MYH7: variants seen among roughly 807,000 people sequenced by gnomAD.
MYH7 encodes the protein myosin-7.
Under a neutral mutation model 225.4 loss-of-function variants are expected in MYH7, and 129 were observed. The ratio of observed to expected loss-of-function variants is 0.57; its 90% CI spans 0.50 to 0.66. The LOEUF (loss-of-function observed/expected upper bound fraction) is 0.66. MYH7 is among the 30% of genes least tolerant of loss of function. The pLI is 0.00. For synonymous variants in MYH7, 971 were observed against 1,007.6 expected, an observed-to-expected ratio of 0.96 and a Z score of 0.69; for missense variants, 1,649 against 2,517.0, an observed-to-expected ratio of 0.66 and a Z score of 7.38.
At position 23,426,880 on chromosome 14, in the gene MYH7, C is replaced by A; in HGVS notation, c.1957-16G>T. Reference sequence around the variant, plus strand: ...TCAGATTTTCCTGTGGCCAAAAATGCAATAGAGAAAAGTAAAGAAAATGCC... The same window carrying A: ...TCAGATTTTCCTGTGGCCAAAAATGAAATAGAGAAAAGTAAAGAAAATGCC... On this transcript the variant is annotated splice_polypyrimidine_tract_variant and intron_variant, in intron 17 of 39. Coordinates refer to ENST00000355349, the MANE Select transcript of MYH7 (RefSeq NM_000257.4). 1 of 1,608,090 alleles carries A rather than the reference C, an allele frequency of 6.2e-7. No individual in the cohort carries two copies.
rs200550717 is a variant in MYH7 at position 23,412,749 on chromosome 14, A to G, written c.*105T>C. On this transcript the variant is annotated 3_prime_UTR_variant, in exon 40 of 40. Transcript: ENST00000355349. ...GTCTGGAGTCAGGATCTCGGCTTCA[A>G]GGAAAATTGCTTTATTCTGCTTCCT... is the stretch of plus-strand genomic sequence containing the variant. 1.4e-4 allele frequency: 200 copies of G among 1,397,740 alleles called. 1 individual carries two copies. In the East Asian group the frequency reaches 3.5e-3, roughly 24 times the overall value. The allele number at this position is 1,397,740 out of a possible 1,614,324, so 86.6% of individuals were successfully genotyped here.
At position 23,424,146 on chromosome 14, in the gene MYH7, G is replaced by T. The variant is rs397516162; in HGVS notation, c.2683C>A (p.Gln895Lys). The change falls in exon 23 of 40, where the codon CAA (glutamine) becomes AAA (lysine). Residue 895 changes from glutamine to lysine, a missense_variant. Coordinates refer to ENST00000355349, the MANE Select transcript of MYH7 (RefSeq NM_000257.4). Reference sequence around the variant, plus strand: ...TCCTCAGCATCTGCCAGGTTGTCTTGTTCCTGAAGGTGAGGAACAGAGGGG... The same window carrying T: ...TCCTCAGCATCTGCCAGGTTGTCTTTTTCCTGAAGGTGAGGAACAGAGGGG... ...NDLQLQVQAE[Q>K]DNLADAEERC... is the part of the protein sequence containing the mutation. 6.2e-7 allele frequency: 1 copy of T among 1,614,136 alleles called. No homozygotes were observed. Among genetic ancestry groups the T allele is most frequent in the Non-Finnish European group, 8.5e-7 (1 of 1,180,026 alleles).
intron 1 of MYH7, among the ~76,000 whole-genome samples, chr14:23,435,256 A>T (rs963185874): frequency 6.6e-6 from 1 of 151,816 alleles, no homozygotes; most frequent in Non-Finnish European, 1.5e-5. Context: ...CTGCAAAGGA[A>T]CCTCCTCGTT....
rs1555336334 is a variant in MYH7, at chr14:23,415,820, G to A, written c.4966C>T (p.Gln1656Ter). 3 of 1,614,228 alleles carry A rather than the reference G, an allele frequency of 1.9e-6. No homozygotes were observed. The highest frequency in any genetic ancestry group is 2.5e-6 in the Non-Finnish European group (3 of 1,180,044). Residue 1656 changes from glutamine to a stop codon, truncating the protein, a stop_gained, in exon 35 of 40, where the codon CAG becomes TAG. Transcript: ENST00000355349. LOFTEE classifies it high-confidence loss of function. The surrounding 1 kb of genome is among the most constrained non-coding windows in gnomAD (Gnocchi z 6.3). Reference sequence around the variant, plus strand: ...TTGGCACGGACTGCATCGTCCAGCTGAATCTGGGTGTCCTGAGGATCAGGA... The same window carrying A: ...TTGGCACGGACTGCATCGTCCAGCTAAATCTGGGTGTCCTGAGGATCAGGA... Reference protein sequence around the residue: ...LQSLLKDTQIQLDDAVRANDD... With the variant: ...LQSLLKDTQI
chr14:23,426,947 A>C, intron 17 of MYH7, 83 bp from the exon 18 acceptor site: 1 of 1,262,116 alleles, frequency 7.9e-7, no homozygotes, highest in Non-Finnish European at 1.1e-6. Context: ...AAGGAAGGAA[A>C]AGAGAGATGG....
chr14:23,419,086 C>G, intron 29 of MYH7, 91 bp downstream of exon 29: 1 of 1,166,974 alleles, frequency 8.6e-7, no homozygotes, highest in South Asian at 1.2e-5. Flanking sequence ...TGGTCCACAG[C>G]CAGCCTTATT....
At position 23,413,776 on chromosome 14, in the gene MYH7, G is replaced by A. The variant is rs755706526; in HGVS notation, c.5773C>T (p.Arg1925Cys). The change falls in exon 39 of 40, where the codon CGT (arginine) becomes TGT (cysteine). Residue 1925 changes from arginine to cysteine, a missense_variant. Transcript: ENST00000355349. The part of the protein sequence containing the change: ...SQVNKLRAKS[R>C]DIGTKGLNEE ...GGACCCACCTTCGTGCCAATGTCAC[G>A]GCTCTTGGCCCGCAGCTTGTTGACC... 2.5e-6 allele frequency: 4 copies of A among 1,614,186 alleles called. No individual in the cohort carries two copies. Among genetic ancestry groups the A allele is most frequent in the Non-Finnish European group, 2.5e-6 (3 of 1,180,044 alleles).
Position 23,422,254 on chromosome 14 carries a change from G to T in MYH7, c.3171C>A (p.Gly1057=). Residue 1057 remains glycine (G), a synonymous_variant, in exon 25 of 40, where the codon GGC becomes GGA. Transcript: ENST00000355349. The part of the protein sequence containing the change: ...DLERAKRKLE[G]DLKLTQESIM... Reference sequence around the variant, plus strand: ...TGCTCTCCTGGGTCAGCTTCAGGTCGCCCTCCAGCTTCCGCTTCGCTCGCT... The same window carrying T: ...TGCTCTCCTGGGTCAGCTTCAGGTCTCCCTCCAGCTTCCGCTTCGCTCGCT... The T allele has an allele frequency of 1.9e-6, 3 of 1,613,974 alleles. No individual in the cohort carries two copies. Among genetic ancestry groups the T allele is most frequent in the Non-Finnish European group, 1.7e-6 (2 of 1,179,990 alleles).
intron 15 of MYH7, among the ~76,000 whole-genome samples, chr14:23,428,276 G>C (rs1250493379): frequency 6.6e-6 from 1 of 152,152 alleles, no homozygotes; most frequent in Non-Finnish European, 1.5e-5. Flanking sequence ...TCATGCAGGT[G>C]CCCATCCTCC....
At chr14:23,431,959 G>T in intron 6 of MYH7, 90 bp from the exon 7 acceptor site, 1 of 1,354,878 alleles carries the variant, frequency 7.4e-7, no homozygotes, top group Non-Finnish European at 1.1e-6. Flanking sequence ...GCCTACCCGA[G>T]AGTAGGAGCC....
In MYH7 at chr14:23,415,878, C is replaced by T. The variant is rs368884763; in HGVS notation, c.4954-46G>A. The T allele has an allele frequency of 1.9e-6, 3 of 1,613,762 alleles. No homozygotes were observed. The South Asian group carries it at 3.3e-5, about 18-fold the overall frequency. On this transcript the variant is annotated intron_variant, in intron 34 of 39. Coordinates refer to ENST00000355349, the MANE Select transcript of MYH7 (RefSeq NM_000257.4). This position sits in a 1 kb window ranked among gnomAD's most constrained non-coding sequence, Gnocchi z 6.3. Reference sequence around the variant, plus strand: ...CATGAGCAGGGAGCCAGCCTCGGTTCCCTTCACTAAAGGCACCTGTCAGAG... The same window carrying T: ...CATGAGCAGGGAGCCAGCCTCGGTTTCCTTCACTAAAGGCACCTGTCAGAG...
rs147697314 is a variant in MYH7 at position 23,420,550 on chromosome 14, G to T, written c.3337-316C>A. Among the ~76,000 whole-genome samples, 640 of 152,316 alleles carry T rather than the reference G, an allele frequency of 4.2e-3. 7 individuals carry two copies. Among genetic ancestry groups the T allele is most frequent in the African/African-American group, 0.014 (593 of 41,584 alleles). On this transcript the variant is annotated intron_variant, in intron 26 of 39. Transcript: ENST00000355349. ...AACAAAAGTTGAAAATGAGAGAGCC[G>T]TATTTGTCTGACCAGACAACTAAAG...
chr14:23,423,842 C>A, intron 23 of MYH7, 65 bp downstream of exon 23: 2 of 1,613,596 alleles, frequency 1.2e-6, no homozygotes, highest in South Asian at 2.2e-5. Flanking sequence ...TAGCCTGGGT[C>A]AAGGTCAGTA....
chr14:23,421,665 A>G, intron 25 of MYH7: 1 of 796,282 alleles, frequency 1.3e-6, no homozygotes, highest in South Asian at 5.7e-5. Flanking sequence ...CTGCAAGCTC[A>G]CTGTTTACCA....
chr14:23,434,166 T>C, intron 2 of MYH7, 28 bp downstream of exon 2: 1 of 1,072,748 alleles, frequency 9.3e-7, no homozygotes. Context: ...TACTAGATTT[T>C]CAACACTCTA....
intron 5 of MYH7, 37 bp downstream of exon 5, chr14:23,432,602 C>T: frequency 5.6e-6 from 9 of 1,614,166 alleles, no homozygotes; most frequent in Non-Finnish European, 7.6e-6. Context: ...CGGCCTATCC[C>T]AGTTCCCTTC....
Position 23,417,534 on chromosome 14 carries a change from G to A in MYH7, c.4322C>T (p.Ala1441Val). The A allele has an allele frequency of 6.2e-7, 1 of 1,612,326 alleles. No individual in the cohort carries two copies. The highest frequency in any genetic ancestry group is 8.5e-7 in the Non-Finnish European group (1 of 1,180,030). The change falls in exon 31 of 40, where the codon GCC (alanine) becomes GTC (valine). Residue 1441 changes from alanine (A) to valine (V), a missense_variant. By Grantham distance (64) the Ala-to-Val change is moderately conservative. Around this residue, in one of 12 missense-constraint regions of MYH7, gnomAD observed 687 missense variants for 913.8 expected, o/e 0.75. Transcript: ENST00000355349. ...GAAGTTCCTCTGCTTCTTGTCCAGGGCTGCAGCAGCAGCATTGGAGCGCTC... is the reference window on the plus strand; with the variant it reads ...GAAGTTCCTCTGCTTCTTGTCCAGGACTGCAGCAGCAGCATTGGAGCGCTC... ...DVERSNAAAA[A>V]LDKKQRNFDK...
rs578110720 is a variant in MYH7 at position 23,429,195 on chromosome 14, C to T, written c.1257+34G>A. ...ATCCCACCATGCCAGTCTCCCTACC[C>T]TGCCCACCCATTATCATCTGAAGAT... On this transcript the variant is annotated intron_variant, in intron 13 of 39. Transcript: ENST00000355349. 3.1e-6 allele frequency: 5 copies of T among 1,613,810 alleles called. No homozygotes were observed. In the Admixed American group the frequency reaches 6.7e-5, roughly 22 times the overall value.
At chr14:23,430,454 A>T in intron 11 of MYH7, 106 bp downstream of exon 11, 1 of 893,420 alleles carries the variant, frequency 1.1e-6, no homozygotes, top group Non-Finnish European at 1.8e-6. Context: ...GGAGGTCCAT[A>T]CCACTTTAAA....
Sources: allele counts gnomAD v4.1 joint callset (sites outside exome capture counted in the v4.1 genomes callset), GRCh38; gene constraint gnomAD v4.1.1; regional missense constraint gnomAD v4.1.1; non-coding constraint Gnocchi (gnomAD v3.1); transcripts MANE v1.5; gene names NCBI Gene and HGNC (gene_info 2026-07-23, HGNC 2026-07-21).